MYO10: variants seen among roughly 807,000 people sequenced by gnomAD.
The protein encoded by MYO10 is myosin X.
In MYO10, 133 loss-of-function variants were observed where a neutral mutation model predicts 257.3. The observed-to-expected ratio is 0.52, with a 90% confidence interval of 0.45 to 0.60. The LOEUF (loss-of-function observed/expected upper bound fraction) is 0.60, where lower values mean the gene tolerates loss of function less well. Among genes scored for constraint, MYO10 ranks in the 20% least tolerant of loss-of-function variants. MYO10 has a pLI of 0.00. For missense variants in MYO10, 2,399 were observed against 2,635.7 expected (o/e 0.91, Z 1.97); for synonymous variants, 1,104 against 1,028.6 (o/e 1.07, Z -1.40).
At chr5:16,737,886 C>T (rs1437367903) in intron 19 of MYO10, among the ~76,000 whole-genome samples, 1 of 152,150 alleles carries the variant, frequency 6.6e-6, no homozygotes, top group Non-Finnish European at 1.5e-5. Flanking sequence ...CCTGACTTAT[C>T]CTGATACATA....
rs1370309700 is a variant in MYO10, at chr5:16,763,524, A to G, written c.1451T>C (p.Ile484Thr). Reference sequence around the variant, plus strand: ...GCATTCTCCATTGTCTATCCAGTCAATATCTTCCCACACTAATCCTTCCCT... The same window carrying G: ...GCATTCTCCATTGTCTATCCAGTCAGTATCTTCCCACACTAATCCTTCCCT... Reference protein sequence around the residue: ...YSREGLVWEDIDWIDNGECLD... With the variant: ...YSREGLVWEDTDWIDNGECLD... The change falls in exon 14 of 41, where the codon ATT (isoleucine) becomes ACT (threonine). Residue 484 changes from isoleucine to threonine, a missense_variant. Coordinates refer to ENST00000513610, the MANE Select transcript of MYO10 (RefSeq NM_012334.3). 3.7e-6 allele frequency: 6 copies of G among 1,612,416 alleles called. No homozygotes were observed. In the African/African-American group the frequency reaches 4.0e-5, roughly 11 times the overall value.
At chr5:16,689,241 T>A (rs537433658) in intron 28 of MYO10, among the ~76,000 whole-genome samples, 3 of 152,218 alleles carry the variant, frequency 2.0e-5, no homozygotes, top group Non-Finnish European at 4.4e-5. Flanking sequence ...GCATTTAGAA[T>A]ACTTCCTGAA....
chr5:16,695,190 C>T (rs554082210), intron 26 of MYO10, among the ~76,000 whole-genome samples: 5 of 152,130 alleles, frequency 3.3e-5, no homozygotes, highest in African/African-American at 9.6e-5. Flanking sequence ...AAAAATTAGC[C>T]GGGTATGGTG....
chr5:16,778,760 G>T (rs1256181713), intron 9 of MYO10, among the ~76,000 whole-genome samples: 1 of 143,122 alleles, frequency 7.0e-6, no homozygotes, highest in South Asian at 2.2e-4. Flanking sequence ...GCGCGATCTC[G>T]GCTCACTGCA....
At chr5:16,772,061 T>C (rs1741069833) in intron 9 of MYO10, among the ~76,000 whole-genome samples, 1 of 151,830 alleles carries the variant, frequency 6.6e-6, no homozygotes, top group African/African-American at 2.4e-5. Flanking sequence ...AATTAACACT[T>C]TCACAGAAAA....
chr5:16,911,669 T>A (rs1001695403), intron 1 of MYO10, among the ~76,000 whole-genome samples: 1 of 151,912 alleles, frequency 6.6e-6, no homozygotes, highest in Non-Finnish European at 1.5e-5. Context: ...GAAATCAAGG[T>A]TGCAGTATGC....
intron 4 of MYO10, among the ~76,000 whole-genome samples, chr5:16,793,101 G>GA (rs1243301123): frequency 2.0e-5 from 3 of 152,126 alleles, no homozygotes; most frequent in Non-Finnish European, 4.4e-5. Flanking sequence ...CCCCGTGAGT[G>GA]AACTCCTGCG....
chr5:16,890,877 T>C (rs540760275), intron 1 of MYO10, among the ~76,000 whole-genome samples: 23 of 151,890 alleles, frequency 1.5e-4, no homozygotes, highest in Non-Finnish European at 2.6e-4. Flanking sequence ...AGAGAACTGA[T>C]ACATGCTATA....
At position 16,694,399 on chromosome 5, in the gene MYO10, T is replaced by G; in HGVS notation, c.3772A>C (p.Lys1258Gln). ...YFENDSEEKL[K>Q]GTVEVRTAKE... is the part of the protein sequence containing the mutation. ...GCCGTTCGCACTTCTACGGTGCCCT[T>G]GAGCTTCTCCTCGCTGTCGTTTTCA... Residue 1258 changes from lysine (K) to glutamine (Q), a missense_variant, in exon 27 of 41, where the codon AAG becomes CAG. By Grantham distance (53) the Lys-to-Gln change is moderately conservative. This residue lies in a region of MYO10 where 1,820 missense variants were observed against 1,939.4 expected (regional missense o/e 0.94). Transcript: ENST00000513610. 6.2e-7 allele frequency: 1 copy of G among 1,614,052 alleles called. No homozygotes were observed. Among genetic ancestry groups the G allele is most frequent in the South Asian group, 1.1e-5 (1 of 91,082 alleles).
At chr5:16,751,073 T>C (rs1024982974) in intron 19 of MYO10, among the ~76,000 whole-genome samples, 23 of 152,180 alleles carry the variant, frequency 1.5e-4, no homozygotes, top group African/African-American at 5.5e-4. Context: ...ATACACAAAA[T>C]ACCTAAATAC....
rs1452436080 is a variant in MYO10, at chr5:16,672,718, G to A, written c.5280C>T (p.Val1760=). The A allele has an allele frequency of 6.8e-6, 11 of 1,613,906 alleles. No homozygotes were observed. Among genetic ancestry groups the A allele is most frequent in the African/African-American group, 1.3e-5 (1 of 74,934 alleles). ...CAAACTTGGCTAAGACATCAGCTACGACGGTTCGACTTTCAATGGCTTTGT... is the reference window on the plus strand; with the variant it reads ...CAAACTTGGCTAAGACATCAGCTACAACGGTTCGACTTTCAATGGCTTTGT... ...HVDKAIESRT[V]VADVLAKFEK... is the part of the protein sequence containing the mutation. Residue 1760 remains valine (V), a synonymous_variant, in exon 37 of 41, where the codon GTC becomes GTT. Coordinates refer to ENST00000513610, the MANE Select transcript of MYO10 (RefSeq NM_012334.3).
intron 2 of MYO10, among the ~76,000 whole-genome samples, chr5:16,827,576 T>C (rs1743039038): frequency 6.6e-6 from 1 of 152,210 alleles, no homozygotes; most frequent in East Asian, 1.9e-4. Context: ...CGTGAGCCAC[T>C]GCGCCCAGCC....
chr5:16,835,492 G>GTT lies in MYO10; in HGVS notation c.121-17327_121-17326dup, dbSNP rs1554001242. 5.5e-3 allele frequency among the ~76,000 whole-genome samples: 444 copies of GTT among 81,008 alleles called. 27 individuals carry two copies. Among genetic ancestry groups the GTT allele is most frequent in the African/African-American group, 6.8e-3 (145 of 21,476 alleles). The allele number at this position is 81,008 out of a possible 152,430, so 53.1% of individuals were successfully genotyped here. On this transcript the variant is annotated intron_variant, in intron 2 of 40. Transcript: ENST00000513610. ...GATCACACCAAAGTCATTTTTGGCTGTTTTTTTTTTTTTTTTTTTTTTTGG... is the reference window on the plus strand; with the variant it reads ...GATCACACCAAAGTCATTTTTGGCTGTTTTTTTTTTTTTTTTTTTTTTTTTGG...
chr5:16,903,811 C>G (rs949393608), intron 1 of MYO10, among the ~76,000 whole-genome samples: 4 of 152,128 alleles, frequency 2.6e-5, no homozygotes, highest in Admixed American at 2.0e-4. Flanking sequence ...ATAAGAAGTG[C>G]ACATAAAATA....
At chr5:16,884,048 A>G (rs1744830273) in intron 1 of MYO10, among the ~76,000 whole-genome samples, 1 of 152,170 alleles carries the variant, frequency 6.6e-6, no homozygotes, top group Non-Finnish European at 1.5e-5. Flanking sequence ...GGCCACCTAC[A>G]TGACAAACTC....
chr5:16,761,685 C>T, intron 16 of MYO10, 139 bp from the exon 17 acceptor site: 2 of 704,686 alleles, frequency 2.8e-6, no homozygotes, highest in South Asian at 3.8e-5. Flanking sequence ...GGGTCTTGCT[C>T]TATTTCCCAG....
chr5:16,729,962 TAA>T (rs1037430700), intron 19 of MYO10, among the ~76,000 whole-genome samples: 10 of 152,152 alleles, frequency 6.6e-5, no homozygotes, highest in African/African-American at 2.4e-4. Flanking sequence ...TTTTCCTTCC[TAA>T]TTAAAGGAAG....
In MYO10 at chr5:16,663,715, T is replaced by C. The variant is rs1736058043; in HGVS notation, c.*2977A>G. ...GTGAGACCCTGTCTCAAATAAACAA[T>C]GTTTAAAACACAGACACACACGGTA... On this transcript the variant is annotated 3_prime_UTR_variant, in exon 41 of 41. Transcript: ENST00000513610. The C allele has an allele frequency of 6.6e-6, 1 of 151,950 alleles. No individual in the cohort carries two copies. Among genetic ancestry groups the C allele is most frequent in the South Asian group, 2.1e-4 (1 of 4,812 alleles). 9.4% of individuals were successfully genotyped at this position (151,950 alleles called of 1,614,324 possible). A position where few individuals can be genotyped will look rare whatever the true frequency, so the allele number is the denominator to read the frequency against.
chr5:16,726,924 C>T (rs1739389388), intron 19 of MYO10, among the ~76,000 whole-genome samples: 2 of 152,176 alleles, frequency 1.3e-5, no homozygotes, highest in Non-Finnish European at 2.9e-5. Context: ...TTCCACAATA[C>T]AATAGCAAAG....
Sources: allele counts gnomAD v4.1 joint callset (sites outside exome capture counted in the v4.1 genomes callset), GRCh38; gene constraint gnomAD v4.1.1; regional missense constraint gnomAD v4.1.1; transcripts MANE v1.5; gene names NCBI Gene and HGNC (gene_info 2026-07-23, HGNC 2026-07-21).